Variants in CNTN5 observed in about 807,000 individuals in gnomAD.
The protein encoded by CNTN5 is contactin-5.
CNTN5 carries 77 observed loss-of-function variants against 129.1 expected under a neutral mutation model. The ratio of observed to expected loss-of-function variants is 0.60; its 90% confidence interval spans 0.50 to 0.72. The LOEUF is 0.72. Ranked by LOEUF, CNTN5 falls within the 30% of genes least tolerant of loss-of-function variation. The pLI is 0.00. For synonymous variants in CNTN5, 509 were observed against 465.6 expected, an observed-to-expected ratio of 1.09 and a Z score of -1.20; for missense variants, 1,478 against 1,328.8, an observed-to-expected ratio of 1.11 and a Z score of -1.75.
chr11:100,049,522 A>G (rs1235040633), intron 9 of CNTN5, among the ~76,000 whole-genome samples: 1 of 152,154 alleles, frequency 6.6e-6, no homozygotes, highest in Non-Finnish European at 1.5e-5. Flanking sequence ...ACCACAGGTA[A>G]TTATATTAAA....
intron 1 of CNTN5, among the ~76,000 whole-genome samples, chr11:99,221,663 A>G (rs562166251): frequency 2.2e-4 from 34 of 152,068 alleles, no homozygotes; most frequent in African/African-American, 7.5e-4. Flanking sequence ...GTTGGAGTAC[A>G]TTCTATAAGT....
chr11:99,938,206 G>A (rs929821179), intron 7 of CNTN5, among the ~76,000 whole-genome samples: 1 of 152,066 alleles, frequency 6.6e-6, no homozygotes, highest in African/African-American at 2.4e-5. Context: ...CCTATGCTTG[G>A]AAAGTCTTCA....
intron 3 of CNTN5, among the ~76,000 whole-genome samples, chr11:99,726,138 A>T (rs559445682): frequency 3.9e-5 from 6 of 152,284 alleles, no homozygotes; most frequent in African/African-American, 1.4e-4. Flanking sequence ...CTCTGGGGCC[A>T]CATCCACCAT....
At chr11:100,333,791 G>T (rs1032626893) in intron 21 of CNTN5, among the ~76,000 whole-genome samples, 2 of 152,118 alleles carry the variant, frequency 1.3e-5, no homozygotes, top group African/African-American at 4.8e-5. Context: ...ACTCAAGATG[G>T]ATCAAAGACT....
chr11:99,767,758 C>T (rs1363533279), intron 3 of CNTN5, among the ~76,000 whole-genome samples: 1 of 151,980 alleles, frequency 6.6e-6, no homozygotes, highest in Non-Finnish European at 1.5e-5. Flanking sequence ...CTGAGAAAGG[C>T]AGTGACGTTA....
At chr11:99,319,451 A>G (rs1339395140) in intron 1 of CNTN5, among the ~76,000 whole-genome samples, 1 of 152,104 alleles carries the variant, frequency 6.6e-6, no homozygotes, top group Non-Finnish European at 1.5e-5. Flanking sequence ...CTGTGATTCT[A>G]TAGCACCCGA....
At chr11:99,634,884 T>C (rs557333265) in intron 3 of CNTN5, among the ~76,000 whole-genome samples, 3 of 152,270 alleles carry the variant, frequency 2.0e-5, no homozygotes, top group African/African-American at 4.8e-5. Context: ...ACCTGTTTGT[T>C]CCACCCTATT....
intron 2 of CNTN5, among the ~76,000 whole-genome samples, chr11:99,423,756 A>T (rs561103984): frequency 6.6e-6 from 1 of 151,170 alleles, no homozygotes; most frequent in East Asian, 2.0e-4. Flanking sequence ...TTCCCTGGTG[A>T]TGCCAATGCC....
chr11:99,427,302 A>G lies in CNTN5; in HGVS notation c.-71+101818A>G, dbSNP rs1452232056. Among the ~76,000 whole-genome samples the G allele has an allele frequency of 2.6e-5, 4 of 152,332 alleles. No homozygotes were observed. The East Asian group carries it at 7.7e-4, about 29-fold the overall frequency. On this transcript the variant is annotated intron_variant, in intron 2 of 24. Transcript: ENST00000524871. ...AACATTTTCTTTAGATCTTGAAGAT[A>G]AAATATTTTTAGCATTAGGCCACAA...
chr11:99,690,729 T>C (rs1437996552), intron 3 of CNTN5, among the ~76,000 whole-genome samples: 1 of 152,166 alleles, frequency 6.6e-6, no homozygotes, highest in Non-Finnish European at 1.5e-5. Flanking sequence ...TTTATTCTTT[T>C]ATGTCTCTGC....
intron 1 of CNTN5, among the ~76,000 whole-genome samples, chr11:99,036,114 C>T (rs983452044): frequency 1.2e-4 from 19 of 152,098 alleles, no homozygotes; most frequent in Non-Finnish European, 2.6e-4. Context: ...TCTCTTTTGG[C>T]TTGTAGAGTT....
At chr11:100,240,510 C>A (rs1321525566) in intron 16 of CNTN5, among the ~76,000 whole-genome samples, 1 of 152,122 alleles carries the variant, frequency 6.6e-6, no homozygotes, top group Non-Finnish European at 1.5e-5. Context: ...TCAGTCATTG[C>A]CTAAGTTAAG....
intron 3 of CNTN5, among the ~76,000 whole-genome samples, chr11:99,639,009 G>A (rs371996088): frequency 2.0e-5 from 3 of 152,168 alleles, no homozygotes; most frequent in African/African-American, 4.8e-5. Flanking sequence ...AGAGATTCTC[G>A]TGAGGTCCCT....
At chr11:99,081,793 T>A (rs1865810730) in intron 1 of CNTN5, among the ~76,000 whole-genome samples, 1 of 152,180 alleles carries the variant, frequency 6.6e-6, no homozygotes, top group Admixed American at 6.5e-5. Context: ...TTGAATATTT[T>A]GTTAGATTAG....
chr11:99,248,902 G>T (rs995206832), intron 1 of CNTN5, among the ~76,000 whole-genome samples: 1 of 152,130 alleles, frequency 6.6e-6, no homozygotes, highest in South Asian at 2.1e-4. Context: ...GTAGCGTGAT[G>T]CCTCCAGCTT....
At chr11:99,720,967 A>T (rs1469759074) in intron 3 of CNTN5, among the ~76,000 whole-genome samples, 1 of 151,898 alleles carries the variant, frequency 6.6e-6, no homozygotes, top group Non-Finnish European at 1.5e-5. Context: ...TACAACGAGA[A>T]TTAAAATAGA....
At chr11:99,353,834 A>T (rs970813226) in intron 2 of CNTN5, among the ~76,000 whole-genome samples, 6 of 152,156 alleles carry the variant, frequency 3.9e-5, no homozygotes, top group Non-Finnish European at 7.3e-5. Context: ...ACTCACCATC[A>T]TTTTGAATAT....
At chr11:99,785,543 A>G (rs1264291874) in intron 3 of CNTN5, among the ~76,000 whole-genome samples, 1 of 152,118 alleles carries the variant, frequency 6.6e-6, no homozygotes, top group Non-Finnish European at 1.5e-5. Context: ...GAGACCCAAC[A>G]AAGAAAATTT....
chr11:99,050,564 A>G (rs1350062142), intron 1 of CNTN5, among the ~76,000 whole-genome samples: 1 of 151,772 alleles, frequency 6.6e-6, no homozygotes, highest in Non-Finnish European at 1.5e-5. Context: ...GAAAGACTAA[A>G]TCCAAAAGTA....
Sources: gnomAD v4.1 joint callset for allele counts (sites outside exome capture counted in the v4.1 genomes callset) on GRCh38, gnomAD v4.1.1 for gene constraint, MANE v1.5 for transcripts, NCBI Gene and HGNC (gene_info 2026-07-23, HGNC 2026-07-21) for gene names.